The following CSGALNACT1 variants were observed in gnomAD, a reference collection of about 807,000 sequenced individuals.
The protein encoded by CSGALNACT1 is beta4GalNAcT-1.
Under a neutral mutation model 51.0 loss-of-function variants are expected in CSGALNACT1, and 52 were observed. The observed-to-expected ratio is 1.02, with a 90% CI of 0.82 to 1.29. The LOEUF (loss-of-function observed/expected upper bound fraction) is 1.29. CSGALNACT1 is among the 50% of genes most tolerant of loss of function. The probability of loss-of-function intolerance (pLI) is 0.00; values close to 1 mark genes in which losing one functional copy is unlikely to be tolerated. For missense variants in CSGALNACT1, 935 were observed against 679.2 expected, an observed-to-expected ratio of 1.38 and a Z score of -4.19; for synonymous variants, 341 against 254.4, an observed-to-expected ratio of 1.34 and a Z score of -3.24.
chr8:19,406,203 C>G, intron 9 of CSGALNACT1, 134 bp from the exon 9 acceptor site: 1 of 1,031,330 alleles, frequency 9.7e-7, no homozygotes, highest in Non-Finnish European at 1.5e-6. Flanking sequence ...CTCCAAGGTA[C>G]GAGAGTGTCC....
intron 3 of CSGALNACT1, among the ~76,000 whole-genome samples, chr8:19,543,454 T>C (rs1304086980): frequency 1.3e-5 from 2 of 152,250 alleles, no homozygotes; most frequent in Admixed American, 6.5e-5. Context: ...GTTGTTTTGC[T>C]GTGCCTAGAC....
intron 3 of CSGALNACT1, among the ~76,000 whole-genome samples, chr8:19,580,180 G>T (rs1195700646): frequency 6.6e-6 from 1 of 152,166 alleles, no homozygotes; most frequent in African/African-American, 2.4e-5. Context: ...TGAAATCTAG[G>T]ACTTCCAATG....
chr8:19,640,449 G>T (rs760643518), intron 1 of CSGALNACT1, among the ~76,000 whole-genome samples: 3 of 152,052 alleles, frequency 2.0e-5, no homozygotes, highest in African/African-American at 2.4e-5. Flanking sequence ...ACATCAAACT[G>T]CTGCTAAAGA....
At chr8:19,627,247 G>C (rs1483241167) in intron 1 of CSGALNACT1, among the ~76,000 whole-genome samples, 1 of 152,224 alleles carries the variant, frequency 6.6e-6, no homozygotes, top group South Asian at 2.1e-4. Flanking sequence ...ACACAAACCA[G>C]ATGGATGGAT....
rs73670905 is a variant in CSGALNACT1 at position 19,630,937 on chromosome 8, T to C, written c.-543-29072A>G. Reference sequence around the variant, plus strand: ...CCATCTTGTATCCGTTTGGTACATTTGTTACAACTGACGAGCCAATATTGA... The same window carrying C: ...CCATCTTGTATCCGTTTGGTACATTCGTTACAACTGACGAGCCAATATTGA... On this transcript the variant is annotated intron_variant, in intron 1 of 9. Coordinates refer to the CSGALNACT1 transcript ENST00000332246. 6.9e-3 allele frequency among the ~76,000 whole-genome samples: 1,047 copies of C among 152,332 alleles called. 15 individuals carry two copies. Among genetic ancestry groups the C allele is most frequent in the African/African-American group, 0.024 (1,001 of 41,566 alleles).
At chr8:19,688,470 G>T (rs1478022999) in intron 1 of CSGALNACT1, among the ~76,000 whole-genome samples, 1 of 152,152 alleles carries the variant, frequency 6.6e-6, no homozygotes, top group Non-Finnish European at 1.5e-5. Flanking sequence ...TCTAAAGGTG[G>T]AATTCCTTTG....
chr8:19,580,687 A>G (rs1257449667), intron 3 of CSGALNACT1, among the ~76,000 whole-genome samples: 3 of 152,210 alleles, frequency 2.0e-5, no homozygotes, highest in Admixed American at 2.0e-4. Flanking sequence ...GACCAAAACC[A>G]AGATACAAAA....
intron 3 of CSGALNACT1, among the ~76,000 whole-genome samples, chr8:19,518,086 T>TTG (rs1332806596): frequency 6.6e-6 from 1 of 152,096 alleles, no homozygotes; most frequent in African/African-American, 2.4e-5. Flanking sequence ...ATGCTGTTAA[T>TTG]TAACAAAGAG....
intron 3 of CSGALNACT1, among the ~76,000 whole-genome samples, chr8:19,590,378 C>G (rs1480751034): frequency 6.6e-6 from 1 of 152,146 alleles, no homozygotes; most frequent in East Asian, 1.9e-4. Flanking sequence ...GAGCTACATT[C>G]CTTTTGGCGA....
At chr8:19,461,877 A>C (rs372208281) in intron 4 of CSGALNACT1, among the ~76,000 whole-genome samples, 17 of 93,170 alleles carry the variant, frequency 1.8e-4, no homozygotes, top group East Asian at 1.8e-3. Flanking sequence ...GGGCGTATCC[A>C]CACAGCAGCC....
Position 19,560,602 on chromosome 8 carries a change from AC to A in CSGALNACT1, c.-297+30557del, listed in dbSNP as rs1257442769. On this transcript the variant is annotated intron_variant, in intron 3 of 9. Coordinates refer to ENST00000454498, the Ensembl canonical transcript of CSGALNACT1. ...ACACACACAAGGGGAAATCCGTGTGACCACAAACAGGAAAAAGGAATCAACC... is the reference window on the plus strand; with the variant it reads ...ACACACACAAGGGGAAATCCGTGTGACACAAACAGGAAAAAGGAATCAACC... 5.3e-5 allele frequency among the ~76,000 whole-genome samples: 8 copies of A among 152,332 alleles called. No homozygotes were observed. The East Asian group carries it at 9.6e-4, about 18-fold the overall frequency.
At chr8:19,635,118 T>C (rs140198391) in intron 1 of CSGALNACT1, among the ~76,000 whole-genome samples, 193 of 152,274 alleles carry the variant, frequency 1.3e-3, no homozygotes, top group African/African-American at 4.6e-3. Context: ...TAAGATCTGT[T>C]TACCTCCTCC....
At chr8:19,451,042 A>AG (rs371215916) in intron 5 of CSGALNACT1, among the ~76,000 whole-genome samples, 31 of 152,194 alleles carry the variant, frequency 2.0e-4, no homozygotes, top group African/African-American at 7.2e-4. Flanking sequence ...TCTTACTCAG[A>AG]GATAACAATA....
intron 3 of CSGALNACT1, among the ~76,000 whole-genome samples, chr8:19,580,482 C>A (rs2045325377): frequency 6.6e-6 from 1 of 152,158 alleles, no homozygotes; most frequent in South Asian, 2.1e-4. Context: ...TGAAAACAGA[C>A]TAACTTGAAA....
At chr8:19,589,488 G>A (rs1311980950) in intron 3 of CSGALNACT1, among the ~76,000 whole-genome samples, 4 of 152,068 alleles carry the variant, frequency 2.6e-5, no homozygotes, top group Non-Finnish European at 5.9e-5. Flanking sequence ...ACCACATCTG[G>A]CTAATTTTTG....
intron 1 of CSGALNACT1, among the ~76,000 whole-genome samples, chr8:19,608,148 G>A (rs2051662420): frequency 6.6e-6 from 1 of 152,148 alleles, no homozygotes; most frequent in African/African-American, 2.4e-5. Context: ...GAGTTAGGCA[G>A]GCACAACCCT....
chr8:19,737,385 T>C (rs1400367137), intron 1 of CSGALNACT1, among the ~76,000 whole-genome samples: 1 of 152,164 alleles, frequency 6.6e-6, no homozygotes, highest in Non-Finnish European at 1.5e-5. Context: ...ATCTAATTTG[T>C]CAATTTACAA....
At chr8:19,601,896 T>C (rs1668821915) in intron 1 of CSGALNACT1, 31 bp from the exon 2 acceptor site, 2 of 453,896 alleles carry the variant, frequency 4.4e-6, no homozygotes, top group African/African-American at 2.0e-5. Context: ...AAGGCAACCC[T>C]TGTAAATTTC....
chr8:19,622,823 T>C (rs1487937701), intron 1 of CSGALNACT1, among the ~76,000 whole-genome samples: 2 of 151,802 alleles, frequency 1.3e-5, no homozygotes, highest in Non-Finnish European at 1.5e-5. Flanking sequence ...AAACAAGAAA[T>C]GGGTGAGAAA....
Sources: allele counts gnomAD v4.1 joint callset (sites outside exome capture counted in the v4.1 genomes callset), GRCh38; gene constraint gnomAD v4.1.1; transcripts MANE v1.5; gene names NCBI Gene and HGNC (gene_info 2026-07-23, HGNC 2026-07-21).